RASSF4: variants seen among roughly 807,000 people sequenced by gnomAD.
RASSF4 encodes the protein Ras association domain family member 4.
In RASSF4, 38 loss-of-function variants were observed where a neutral mutation model predicts 41.1. The ratio of observed to expected loss-of-function variants is 0.92; its 90% CI spans 0.71 to 1.21. RASSF4 has a LOEUF of 1.21. RASSF4 is among the 50% of genes most tolerant of loss of function. The probability of loss-of-function intolerance (pLI) is 0.00; values close to 1 mark genes in which losing one functional copy is unlikely to be tolerated. For missense variants in RASSF4, 414 were observed against 419.4 expected (o/e 0.99, Z 0.11); for synonymous variants, 179 against 163.4 (o/e 1.10, Z -0.73).
intron 4 of RASSF4, 62 bp from the exon 5 acceptor site, chr10:44,983,960 C>T: frequency 6.4e-7 from 1 of 1,551,990 alleles, no homozygotes; most frequent in Non-Finnish European, 8.7e-7. Context: ...GTCTCTTCTC[C>T]TTGGCCTGAG....
chr10:44,989,407 G>T (rs1284291626), intron 7 of RASSF4, 32 bp downstream of exon 7: 3 of 1,456,244 alleles, frequency 2.1e-6, no homozygotes, highest in Admixed American at 1.7e-5. Flanking sequence ...CTTGCCCCAG[G>T]ATGCCAGTGG....
chr10:44,961,728 A>G (rs1735467479), intron 1 of RASSF4, among the ~76,000 whole-genome samples: 1 of 152,364 alleles, frequency 6.6e-6, no homozygotes, highest in Non-Finnish European at 1.5e-5. Flanking sequence ...TATTTAATTG[A>G]TGAGGAGCCC....
Position 44,990,027 on chromosome 10 carries a change from G to A in RASSF4, c.685+306G>A, listed in dbSNP as rs143530900. ...GTTTAATTCTTTCAGGATTCTGAAGGAGAATCCCACCAAGCTATAGGAAGC... is the reference window on the plus strand; with the variant it reads ...GTTTAATTCTTTCAGGATTCTGAAGAAGAATCCCACCAAGCTATAGGAAGC... On this transcript the variant is annotated intron_variant, in intron 8 of 10. Transcript: ENST00000340258. Among the ~76,000 whole-genome samples, 1,004 of 152,348 alleles carry A rather than the reference G, an allele frequency of 6.6e-3. 9 individuals are homozygous for A. Among genetic ancestry groups the A allele is most frequent in the Admixed American group, 0.017 (265 of 15,310 alleles).
rs1391286733 is a variant in RASSF4 at position 44,970,398 on chromosome 10, G to C, written c.62+134G>C. On this transcript the variant is annotated intron_variant, in intron 2 of 10. Transcript: ENST00000340258. ...TGGGGTGCCCTGGGGGACAGTGATG[G>C]GGTGCTTCTTTTTGAGCCTGTCCAA... is the stretch of plus-strand genomic sequence containing the variant. 4.5e-5 allele frequency: 32 copies of C among 707,402 alleles called. No homozygotes were observed. In the South Asian group the frequency reaches 5.0e-4, roughly 11 times the overall value. 43.8% of individuals were successfully genotyped at this position (707,402 alleles called of 1,614,324 possible). A position where few individuals can be genotyped will look rare whatever the true frequency, so the allele number is the denominator to read the frequency against.
intron 3 of RASSF4, chr10:44,977,824 T>C: frequency 1.2e-6 from 2 of 1,604,880 alleles, no homozygotes; most frequent in Non-Finnish European, 1.7e-6. Flanking sequence ...AGGCCTGGGC[T>C]GGCCTGTGGG....
chr10:44,982,276 T>C (rs1332926534), intron 3 of RASSF4: 2 of 544,656 alleles, frequency 3.7e-6, no homozygotes, highest in Non-Finnish European at 6.5e-6. Flanking sequence ...GACACCTGAC[T>C]CAGCCACTGT....
At position 44,994,934 on chromosome 10, in the gene RASSF4, C is replaced by G. The variant is rs755263480; in HGVS notation, c.*1605C>G. On this transcript the variant is annotated 3_prime_UTR_variant, in exon 11 of 11. Coordinates refer to ENST00000340258, the MANE Select transcript of RASSF4 (RefSeq NM_032023.4). ...GAGAGGCTGCCATGGAACACGCAGGCGTCACTGGTGGGAGCCTAGAGGTGA... is the reference window on the plus strand; with the variant it reads ...GAGAGGCTGCCATGGAACACGCAGGGGTCACTGGTGGGAGCCTAGAGGTGA... 3.3e-5 allele frequency: 5 copies of G among 152,028 alleles called. No individual in the cohort carries two copies. Among genetic ancestry groups the G allele is most frequent in the African/African-American group, 1.2e-4 (5 of 41,376 alleles). 9.4% of individuals were successfully genotyped at this position (152,028 alleles called of 1,614,324 possible).
intron 3 of RASSF4, chr10:44,978,509 G>A (rs982482940): frequency 6.5e-6 from 1 of 153,596 alleles, no homozygotes; most frequent in Non-Finnish European, 1.4e-5. Context: ...GACAGCCCTG[G>A]TCTCTAACCC....
chr10:44,977,699 T>G (rs763227857), intron 3 of RASSF4: 13 of 1,612,382 alleles, frequency 8.1e-6, no homozygotes, highest in Non-Finnish European at 1.1e-5. Flanking sequence ...TTCCTGGGAC[T>G]CCCCAAAAAG....
At chr10:44,992,225 C>T (rs750150355) in intron 10 of RASSF4, among the ~76,000 whole-genome samples, 10 of 152,236 alleles carry the variant, frequency 6.6e-5, no homozygotes, top group Non-Finnish European at 8.8e-5. Context: ...GACACAGCCC[C>T]GATCACCCAT....
chr10:44,978,869 C>G (rs544612056), intron 3 of RASSF4: 1 of 152,328 alleles, frequency 6.6e-6, no homozygotes, highest in African/African-American at 2.4e-5. Context: ...ATCACTGTCA[C>G]GAGGGCCAAA....
intron 3 of RASSF4, among the ~76,000 whole-genome samples, chr10:44,973,034 G>C (rs1238156800): frequency 6.6e-6 from 1 of 152,172 alleles, no homozygotes; most frequent in African/African-American, 2.4e-5. Context: ...CACCCTTCAG[G>C]AGCTTCTGGC....
chr10:44,971,527 G>T, intron 2 of RASSF4: 1 of 655,704 alleles, frequency 1.5e-6, no homozygotes, highest in Non-Finnish European at 2.8e-6. Flanking sequence ...TGGACCAGAC[G>T]CAGGCCTGTC....
Position 44,984,820 on chromosome 10 carries a change from G to A in RASSF4, c.381G>A (p.Leu127=), listed in dbSNP as rs765980707. ...CACCCATTTCTCATGCAGGGCCCCT[G>A]GAGGAGGCAGAGGAGGCCCCCCAGC... ...AESSTDSSGP[L]EEAEEAPQLM... Residue 127 remains leucine (L), a synonymous_variant, in exon 6 of 11, where the codon CTG becomes CTA. Coordinates refer to ENST00000340258, the MANE Select transcript of RASSF4 (RefSeq NM_032023.4). 6.2e-7 allele frequency: 1 copy of A among 1,613,432 alleles called. No homozygotes were observed. The highest frequency in any genetic ancestry group is 1.7e-5 in the Admixed American group (1 of 60,006).
At position 44,982,563 on chromosome 10, in the gene RASSF4, T is replaced by C; in HGVS notation, c.181T>C (p.Trp61Arg). 1 of 1,612,574 alleles carries C rather than the reference T, an allele frequency of 6.2e-7. No individual in the cohort carries two copies. The highest frequency in any genetic ancestry group is 8.5e-7 in the Non-Finnish European group (1 of 1,179,250). Residue 61 changes from tryptophan (W) to arginine (R), a missense_variant, in exon 4 of 11, where the codon TGG becomes CGG. Trp to Arg is a moderately radical substitution (Grantham distance 101). Transcript: ENST00000340258. ...LIIEGLLNIAWGLRRPIRLQM... is the reference protein window; with the variant it reads ...LIIEGLLNIARGLRRPIRLQM... ...CATCGAGGGGCTCCTCAACATTGCC[T>C]GGGGGCTGAGGCGGCCCATCCGGCT...
chr10:44,978,955 G>A (rs1841583099), intron 3 of RASSF4: 1 of 152,282 alleles, frequency 6.6e-6, no homozygotes, highest in Non-Finnish European at 1.5e-5. Flanking sequence ...GCTTGGAGGT[G>A]TTTTTCTGCC....
intron 1 of RASSF4, among the ~76,000 whole-genome samples, chr10:44,965,745 C>T (rs370637857): frequency 6.4e-4 from 98 of 152,324 alleles, no homozygotes; most frequent in African/African-American, 2.2e-3. Context: ...TGGTGTGCCC[C>T]GTTCTCTGCC....
At chr10:44,960,262 G>T (rs965335922) in intron 1 of RASSF4, among the ~76,000 whole-genome samples, 4 of 152,328 alleles carry the variant, frequency 2.6e-5, no homozygotes, top group East Asian at 1.9e-4. Context: ...AGCAGGGGGG[G>T]TCTGTCTCAC....
intron 3 of RASSF4, among the ~76,000 whole-genome samples, chr10:44,980,399 C>T (rs1841656146): frequency 6.6e-6 from 1 of 152,254 alleles, no homozygotes; most frequent in South Asian, 2.1e-4. Flanking sequence ...GAATTCGCTG[C>T]TGGCTGACGG....
Sources: allele counts gnomAD v4.1 joint callset (sites outside exome capture counted in the v4.1 genomes callset), GRCh38; gene constraint gnomAD v4.1.1; transcripts MANE v1.5; gene names NCBI Gene and HGNC (gene_info 2026-07-23, HGNC 2026-07-21).